The following PPARGC1A variants were observed in gnomAD, a reference collection of about 807,000 sequenced individuals.
PPARGC1A encodes the protein PPARG coactivator 1 alpha.
PPARGC1A carries 25 observed loss-of-function variants against 88.7 expected under a neutral mutation model. The observed-to-expected ratio is 0.28, with a 90% CI of 0.21 to 0.39. PPARGC1A has a LOEUF of 0.39. Among genes scored for constraint, PPARGC1A ranks in the 10% least tolerant of loss-of-function variants. The pLI is 1.00. For missense variants in PPARGC1A, 880 were observed against 968.7 expected (o/e 0.91, Z 1.22); for synonymous variants, 363 against 355.6 (o/e 1.02, Z -0.24).
chr4:24,050,277 C>T, the PPARGC1A span, among the ~76,000 whole-genome samples: 2 of 144,802 alleles, frequency 1.4e-5, no homozygotes, highest in East Asian at 2.1e-4. Flanking sequence ...CTCACTGCAA[C>T]CTCTGCCTCC....
chr4:24,038,690 C>T, the PPARGC1A span, among the ~76,000 whole-genome samples: 1 of 152,030 alleles, frequency 6.6e-6, no homozygotes, highest in African/African-American at 2.4e-5. Context: ...TTGGATTTTT[C>T]CTTTCAGTTC....
At chr4:24,438,262 A>G in the PPARGC1A span, among the ~76,000 whole-genome samples, 5 of 152,220 alleles carry the variant, frequency 3.3e-5, no homozygotes, top group Non-Finnish European at 7.3e-5. Context: ...CTGGGGTAAT[A>G]AAAGCCTGAG....
the PPARGC1A span, among the ~76,000 whole-genome samples, chr4:24,064,315 C>T: frequency 6.6e-6 from 1 of 152,188 alleles, no homozygotes; most frequent in East Asian, 1.9e-4. Flanking sequence ...ACACCCCTGA[C>T]ATGTCCAGAA....
the PPARGC1A span, among the ~76,000 whole-genome samples, chr4:24,196,097 T>C: frequency 8.5e-5 from 13 of 152,350 alleles, no homozygotes; most frequent in African/African-American, 2.4e-4. Context: ...TTACTTGCCA[T>C]GAGTTGTGAT....
At chr4:24,268,934 C>T in the PPARGC1A span, among the ~76,000 whole-genome samples, 1 of 152,178 alleles carries the variant, frequency 6.6e-6, no homozygotes, top group Non-Finnish European at 1.5e-5. Flanking sequence ...ACAGAATACA[C>T]ATAGTCAGCC....
At chr4:23,900,824 A>G (rs904557102), upstream of PPARGC1A, among the ~76,000 whole-genome samples, 3 of 152,258 alleles carry the variant, frequency 2.0e-5, no homozygotes, top group African/African-American at 7.2e-5. Flanking sequence ...CTGGCACTAC[A>G]TCTGAAGAGA....
the PPARGC1A span, among the ~76,000 whole-genome samples, chr4:24,199,219 T>A: frequency 6.6e-6 from 1 of 152,114 alleles, no homozygotes; most frequent in Non-Finnish European, 1.5e-5. Flanking sequence ...GCAGGTTTTG[T>A]TGGATTAGCT....
the PPARGC1A span, among the ~76,000 whole-genome samples, chr4:23,951,934 A>C: frequency 6.6e-6 from 1 of 152,092 alleles, no homozygotes; most frequent in African/African-American, 2.4e-5. Flanking sequence ...GTTCATCTGG[A>C]AAGTGTCTGT....
At chr4:24,190,320 C>A in the PPARGC1A span, among the ~76,000 whole-genome samples, 1 of 152,132 alleles carries the variant, frequency 6.6e-6, no homozygotes, top group Admixed American at 6.5e-5. Flanking sequence ...TCGAGGCCAT[C>A]CTGGCTAACA....
At chr4:24,227,524 T>C in the PPARGC1A span, among the ~76,000 whole-genome samples, 2 of 152,096 alleles carry the variant, frequency 1.3e-5, no homozygotes, top group Non-Finnish European at 2.9e-5. Flanking sequence ...GGTCAGAAAT[T>C]AAATAAACAA....
intron 2 of PPARGC1A, chr4:23,881,190 AC>A (rs1715855763): frequency 6.6e-6 from 1 of 152,202 alleles, no homozygotes; most frequent in African/African-American, 2.4e-5. Flanking sequence ...AAATCTTGCT[AC>A]CAGCCGGTCC....
the PPARGC1A span, among the ~76,000 whole-genome samples, chr4:23,950,366 A>G: frequency 2.6e-5 from 4 of 152,110 alleles, no homozygotes; most frequent in Non-Finnish European, 5.9e-5. Context: ...ATTGACAAAA[A>G]GGTACATCAT....
the PPARGC1A span, among the ~76,000 whole-genome samples, chr4:24,190,459 G>A: frequency 1.3e-5 from 2 of 152,096 alleles, no homozygotes; most frequent in Non-Finnish European, 2.9e-5. Flanking sequence ...AGCTTGCAGT[G>A]AGCCGAGATC....
chr4:24,086,381 T>G, the PPARGC1A span, among the ~76,000 whole-genome samples: 1 of 152,220 alleles, frequency 6.6e-6, no homozygotes, highest in Non-Finnish European at 1.5e-5. Context: ...CAACTGCATG[T>G]TCCTCAACAC....
chr4:23,903,867 A>G (rs1719720215), upstream of PPARGC1A: 1 of 204,734 alleles, frequency 4.9e-6, no homozygotes, highest in African/African-American at 2.4e-5. Flanking sequence ...TACACACAAA[A>G]CCTCCAAATC....
chr4:24,453,091 A>T, the PPARGC1A span, among the ~76,000 whole-genome samples: 1 of 152,224 alleles, frequency 6.6e-6, no homozygotes, highest in Admixed American at 6.5e-5. Flanking sequence ...ATTTGAACAC[A>T]GGCAGGCACA....
the PPARGC1A span, among the ~76,000 whole-genome samples, chr4:24,143,366 C>T: frequency 6.6e-6 from 1 of 152,098 alleles, no homozygotes; most frequent in African/African-American, 2.4e-5. Context: ...CACGCTGTAA[C>T]ATGTGCTGTG....
chr4:24,008,611 C>T, the PPARGC1A span, among the ~76,000 whole-genome samples: 24 of 152,192 alleles, frequency 1.6e-4, no homozygotes, highest in East Asian at 3.7e-3. Flanking sequence ...CCCATGATAA[C>T]GTTAGCCATA....
At chr4:23,892,376 T>C (rs536345582), upstream of PPARGC1A, among the ~76,000 whole-genome samples, 2 of 151,936 alleles carry the variant, frequency 1.3e-5, no homozygotes, top group South Asian at 4.2e-4. Flanking sequence ...CCCCCTCAAA[T>C]TTCTATTACT....
Sources: gnomAD v4.1 joint callset for allele counts (sites outside exome capture counted in the v4.1 genomes callset) on GRCh38, gnomAD v4.1.1 for gene constraint, MANE v1.5 for transcripts, NCBI Gene and HGNC (gene_info 2026-07-23, HGNC 2026-07-21) for gene names.